SLC30A9: variants seen among roughly 807,000 people sequenced by gnomAD.
SLC30A9 encodes proton-coupled zinc antiporter SLC30A9, mitochondrial.
Under a neutral mutation model 87.5 loss-of-function variants are expected in SLC30A9, and 58 were observed. The observed-to-expected ratio is 0.66, with a 90% CI of 0.54 to 0.82. The LOEUF (loss-of-function observed/expected upper bound fraction) is 0.82. Ranked by LOEUF, SLC30A9 falls within the 40% of genes least tolerant of loss-of-function variation. The pLI, the probability that SLC30A9 is intolerant of heterozygous loss-of-function variation, is 0.00. For missense variants in SLC30A9, 557 were observed against 679.1 expected, an observed-to-expected ratio of 0.82 and a Z score of 2.00; for synonymous variants, 234 against 233.0, an observed-to-expected ratio of 1.00 and a Z score of -0.04.
chr4:42,080,847 A>G (rs972411353), intron 17 of SLC30A9, among the ~76,000 whole-genome samples: 1 of 152,212 alleles, frequency 6.6e-6, no homozygotes, highest in Non-Finnish European at 1.5e-5. Flanking sequence ...TCTTTTACCC[A>G]TGCATGATTC....
intron 7 of SLC30A9, among the ~76,000 whole-genome samples, chr4:42,036,137 C>T (rs1007781339): frequency 3.3e-5 from 5 of 152,298 alleles, no homozygotes; most frequent in Middle Eastern, 3.4e-3. Flanking sequence ...AGTATGTTCA[C>T]CTTCCCACTC....
At chr4:42,030,979 G>A (rs562850726) in intron 6 of SLC30A9, among the ~76,000 whole-genome samples, 1 of 152,174 alleles carries the variant, frequency 6.6e-6, no homozygotes, top group South Asian at 2.1e-4. Context: ...GTCTTTATGA[G>A]TGTTTTAACC....
chr4:42,024,646 G>T (rs1210968631), intron 6 of SLC30A9, among the ~76,000 whole-genome samples: 2 of 152,140 alleles, frequency 1.3e-5, no homozygotes, highest in Non-Finnish European at 2.9e-5. Flanking sequence ...ATTACTCTCT[G>T]AAGGAAATAT....
At chr4:42,072,231 T>C (rs1431222331) in intron 15 of SLC30A9, among the ~76,000 whole-genome samples, 1 of 152,184 alleles carries the variant, frequency 6.6e-6, no homozygotes, top group Non-Finnish European at 1.5e-5. Flanking sequence ...TTTGGTTTAA[T>C]TGACTTTCTC....
At chr4:42,069,446 G>C (rs1718218017) in intron 14 of SLC30A9, among the ~76,000 whole-genome samples, 1 of 152,002 alleles carries the variant, frequency 6.6e-6, no homozygotes, top group Non-Finnish European at 1.5e-5. Context: ...TTCACATTTG[G>C]ATTTCTAAAG....
chr4:42,043,156 C>T (rs2153137825), intron 8 of SLC30A9, among the ~76,000 whole-genome samples: 2 of 152,124 alleles, frequency 1.3e-5, no homozygotes, highest in East Asian at 3.9e-4. Flanking sequence ...TTCCAAAAAC[C>T]AGAACACCTC....
intron 9 of SLC30A9, among the ~76,000 whole-genome samples, chr4:42,052,939 A>G (rs1347352720): frequency 6.6e-6 from 1 of 152,238 alleles, no homozygotes; most frequent in East Asian, 1.9e-4. Flanking sequence ...ATAAATACGC[A>G]TAGATTGGGA....
At chr4:42,051,389 C>T (rs369618335) in intron 9 of SLC30A9, among the ~76,000 whole-genome samples, 5 of 152,122 alleles carry the variant, frequency 3.3e-5, no homozygotes, top group South Asian at 2.1e-4. Context: ...AAAGACTAAT[C>T]GCCAGTATAA....
At chr4:42,004,664 CT>C (rs71198699) in intron 2 of SLC30A9, among the ~76,000 whole-genome samples, 30,556 of 128,056 alleles carry the variant, frequency 0.24, 4,412 homozygotes, top group African/African-American at 0.49. Flanking sequence ...TTTTCTTTTT[CT>C]TTTTTTTTTT....
intron 16 of SLC30A9, among the ~76,000 whole-genome samples, chr4:42,077,231 G>T (rs1043119126): frequency 6.6e-6 from 1 of 152,076 alleles, no homozygotes; most frequent in Non-Finnish European, 1.5e-5. Context: ...ATTTTTGCCA[G>T]TTTGATAGGT....
chr4:42,085,100 A>G (rs76700989), intron 17 of SLC30A9, among the ~76,000 whole-genome samples: 2,197 of 152,270 alleles, frequency 0.014, 27 homozygotes, highest in Middle Eastern at 0.041. Context: ...CTTCTGTGCT[A>G]GCTATACCAT....
intron 2 of SLC30A9, among the ~76,000 whole-genome samples, chr4:42,005,601 C>T (rs907031405): frequency 2.6e-5 from 4 of 152,126 alleles, no homozygotes; most frequent in African/African-American, 9.7e-5. Flanking sequence ...CGTTGTAGCT[C>T]TGGAGGTAGA....
intron 8 of SLC30A9, among the ~76,000 whole-genome samples, chr4:42,040,662 G>C (rs1560547780): frequency 6.6e-6 from 1 of 152,060 alleles, no homozygotes; most frequent in African/African-American, 2.4e-5. Flanking sequence ...TGGGCGTAGT[G>C]GTGGGCGCCT....
At chr4:42,010,476 C>CAAAATAAAAT (rs369461044) in intron 2 of SLC30A9, among the ~76,000 whole-genome samples, 10 of 151,908 alleles carry the variant, frequency 6.6e-5, no homozygotes, top group African/African-American at 2.4e-4. Flanking sequence ...GATCCTGTCT[C>CAAAATAAAAT]AAAATAAAAT....
chr4:42,026,308 A>G (rs758433167), intron 6 of SLC30A9, among the ~76,000 whole-genome samples: 13 of 152,204 alleles, frequency 8.5e-5, no homozygotes, highest in Admixed American at 6.5e-5. Flanking sequence ...ACAGGATGCA[A>G]TCAGATAGGG....
chr4:42,058,336 C>T (rs1717709121), intron 9 of SLC30A9, among the ~76,000 whole-genome samples: 1 of 152,196 alleles, frequency 6.6e-6, no homozygotes, highest in Non-Finnish European at 1.5e-5. Flanking sequence ...GAGACCACCT[C>T]AGCCTGGACT....
At chr4:42,006,947 G>A (rs1483619722) in intron 2 of SLC30A9, among the ~76,000 whole-genome samples, 1 of 152,112 alleles carries the variant, frequency 6.6e-6, no homozygotes, top group Non-Finnish European at 1.5e-5. Flanking sequence ...AGTCAGATCG[G>A]GGTCTTGTTT....
chr4:42,018,233 G>A (rs1436448863), intron 3 of SLC30A9, 63 bp downstream of exon 3: 17 of 941,632 alleles, frequency 1.8e-5, no homozygotes, highest in South Asian at 6.1e-5. Context: ...TATAACATTG[G>A]TTTATGTAGA....
intron 17 of SLC30A9, among the ~76,000 whole-genome samples, chr4:42,083,506 A>G (rs933748122): frequency 2.9e-4 from 44 of 152,302 alleles, no homozygotes; most frequent in Non-Finnish European, 4.9e-4. Context: ...TTCATTCAGC[A>G]TATATTGTGT....
Sources: allele counts gnomAD v4.1 joint callset (sites outside exome capture counted in the v4.1 genomes callset), GRCh38; gene constraint gnomAD v4.1.1; transcripts MANE v1.5; gene names NCBI Gene and HGNC (gene_info 2026-07-23, HGNC 2026-07-21).